Variants in SON observed in about 807,000 individuals in gnomAD.
SON encodes SON DNA and RNA binding protein.
A neutral mutation model predicts 173.3 loss-of-function variants in SON; 4 were observed. The observed-to-expected ratio is 0.02, with a 90% CI of 0.01 to 0.05. SON has a LOEUF of 0.05. Ranked by LOEUF, SON falls within the 10% of genes least tolerant of loss-of-function variation. The pLI is 1.00. For missense variants in SON, 2,626 were observed against 3,055.3 expected, an observed-to-expected ratio of 0.86 and a Z score of 3.31; for synonymous variants, 1,190 against 1,105.9, an observed-to-expected ratio of 1.08 and a Z score of -1.51.
chr21:33,543,528 T>A (rs2085519796), intron 1 of SON: 1 of 170,406 alleles, frequency 5.9e-6, no homozygotes, highest in African/African-American at 7.1e-5. Flanking sequence ...CGCCGCCGCG[T>A]ATCCCCTCCC....
chr21:33,560,608 A>G, intron 6 of SON: 5 of 939,488 alleles, frequency 5.3e-6, no homozygotes, highest in Non-Finnish European at 6.3e-6. Flanking sequence ...GTATCTTTGT[A>G]TGTATCTCTG....
chr21:33,550,693 G>C lies in SON; in HGVS notation c.1462G>C (p.Ala488Pro). ...GCCAGGGCTGCCTTTGGTGACAGCA[G>C]CAGTAGAGTTGCCAGAGCAGCCTGC... ...ELPGLPLVTA[A>P]VELPEQPAVT... Residue 488 changes from alanine (A) to proline (P), a missense_variant, in exon 3 of 12, where the codon GCA becomes CCA. Coordinates refer to ENST00000356577, the MANE Select transcript of SON (RefSeq NM_138927.4). The C allele has an allele frequency of 6.2e-7, 1 of 1,614,110 alleles. No individual in the cohort carries two copies. Among genetic ancestry groups the C allele is most frequent in the Non-Finnish European group, 8.5e-7 (1 of 1,179,982 alleles).
rs779701724 is a variant in SON at position 33,546,206 on chromosome 21, T to C, written c.78-7T>C. On this transcript the variant is annotated splice_region_variant and splice_polypyrimidine_tract_variant and intron_variant, in intron 1 of 11. Coordinates refer to ENST00000356577, the MANE Select transcript of SON (RefSeq NM_138927.4). ...ATTAATGAATTTCGATAACTTTTCA[T>C]GTCAAGTGGAAGGAATGAAGGCCAG... is the stretch of plus-strand genomic sequence containing the variant. The C allele has an allele frequency of 2.5e-6, 4 of 1,588,084 alleles. No homozygotes were observed. Among genetic ancestry groups the C allele is most frequent in the Admixed American group, 1.9e-5 (1 of 51,626 alleles).
At chr21:33,572,470 C>A in intron 8 of SON, 1 of 795,986 alleles carries the variant, frequency 1.3e-6, no homozygotes, top group Non-Finnish European at 1.9e-6. Context: ...AATTATGGTT[C>A]AGTGGGTTGG....
intron 1 of SON, among the ~76,000 whole-genome samples, chr21:33,545,716 A>G (rs1040003560): frequency 1.3e-5 from 2 of 152,244 alleles, no homozygotes; most frequent in African/African-American, 4.8e-5. Flanking sequence ...GTAAGCCTGG[A>G]CAGAGGTTAC....
In SON at chr21:33,549,579, CAAA is replaced by C. The variant is rs753253973; in HGVS notation, c.351_353del (p.Lys123del). The C allele has an allele frequency of 6.3e-7, 1 of 1,589,238 alleles. No individual in the cohort carries two copies. Among genetic ancestry groups the C allele is most frequent in the Non-Finnish European group, 8.5e-7 (1 of 1,172,740 alleles). On this transcript the variant is annotated inframe_deletion, in exon 3 of 12. Coordinates refer to ENST00000356577, the MANE Select transcript of SON (RefSeq NM_138927.4). The stretch of plus-strand genomic sequence containing the variant: ...CAAAGAAGCATAAAAAGCACAAAAA[CAAA>C]AAGAAGAAAAAGAAGAAAGAAAAGG...
intron 4 of SON, 60 bp downstream of exon 4, chr21:33,557,376 G>A (rs2085988797): frequency 6.3e-7 from 1 of 1,592,804 alleles, no homozygotes; most frequent in Non-Finnish European, 8.6e-7. Context: ...TGTTGACTCT[G>A]GAGCGTGCCA....
chr21:33,549,779 C>T lies in SON; in HGVS notation c.548C>T (p.Pro183Leu), dbSNP rs746906157. 1 of 1,614,200 alleles carries T rather than the reference C, an allele frequency of 6.2e-7. No homozygotes were observed. The highest frequency in any genetic ancestry group is 8.5e-7 in the Non-Finnish European group (1 of 1,180,030). Reference protein sequence around the residue: ...AFGPSETNESPAVVLEPPVVS... With the variant: ...AFGPSETNESLAVVLEPPVVS... The stretch of plus-strand genomic sequence containing the variant: ...GGCCCATCTGAGACCAATGAATCCC[C>T]TGCAGTTGTGCTAGAACCTCCTGTA... Residue 183 changes from proline (P) to leucine (L), a missense_variant, in exon 3 of 12, where the codon CCT becomes CTT. Pro to Leu is a moderately conservative substitution (Grantham distance 98). Coordinates refer to ENST00000356577, the MANE Select transcript of SON (RefSeq NM_138927.4).
chr21:33,545,140 C>G (rs114950319), intron 1 of SON, among the ~76,000 whole-genome samples: 7 of 152,098 alleles, frequency 4.6e-5, no homozygotes, highest in Admixed American at 2.0e-4. Flanking sequence ...ACCAGCTTCA[C>G]CTCTTAGTAG....
chr21:33,552,857 C>G lies in SON; in HGVS notation c.3626C>G (p.Ser1209Trp), dbSNP rs756095638. The G allele has an allele frequency of 9.3e-6, 15 of 1,614,130 alleles. No homozygotes were observed. The highest frequency in any genetic ancestry group is 1.3e-5 in the Non-Finnish European group (15 of 1,180,020). Residue 1209 changes from serine (S) to tryptophan (W), a missense_variant, in exon 3 of 12, where the codon TCG (serine) becomes TGG (tryptophan). Physicochemically the swap from Ser to Trp is radical, Grantham distance 177. This residue lies in a region of SON where 1,006 missense variants were observed against 895.6 expected (regional missense o/e 1.12). Transcript: ENST00000356577. The surrounding 1 kb of genome is among the most constrained non-coding windows in gnomAD (Gnocchi z 5.6). ...TCATCACCATCTGAAGAGTCTGTAT[C>G]GCAGCCTGAGCCTCCTGTGAGTCAA... Reference protein sequence around the residue: ...VPSSPSEESVSQPEPPVSQSE... With the variant: ...VPSSPSEESVWQPEPPVSQSE...
rs1181873262 is a variant in SON, at chr21:33,550,974, A to G, written c.1743A>G (p.Ala581=). ...CAGGGCTGCCTTCGGCAACTAGGGCACTGGAGTTGTCGGGGCAGCCTGTGG... is the reference window on the plus strand; with the variant it reads ...CAGGGCTGCCTTCGGCAACTAGGGCGCTGGAGTTGTCGGGGCAGCCTGTGG... ...ELPGLPSATR[A]LELSGQPVAT... is the part of the protein sequence containing the mutation. The change falls in exon 3 of 12, where the codon GCA becomes GCG. Residue 581 remains alanine, a synonymous_variant. Coordinates refer to ENST00000356577, the MANE Select transcript of SON (RefSeq NM_138927.4). 2.5e-6 allele frequency: 4 copies of G among 1,605,206 alleles called. No individual in the cohort carries two copies. Among genetic ancestry groups the G allele is most frequent in the Non-Finnish European group, 3.4e-6 (4 of 1,174,398 alleles).
rs561194735 is a variant in SON at position 33,550,314 on chromosome 21, G to T, written c.1083G>T (p.Leu361Phe). Residue 361 changes from leucine to phenylalanine, a missense_variant, in exon 3 of 12, where the codon TTG becomes TTT. By Grantham distance (22) the Leu-to-Phe change is conservative. This residue lies in a region of SON where 757 missense variants were observed against 730.1 expected (regional missense o/e 1.04). Coordinates refer to ENST00000356577, the MANE Select transcript of SON (RefSeq NM_138927.4). Reference sequence around the variant, plus strand: ...CATCCATGACAAGACCGCAGGAGTTGCCGGAGCTGCCTAAGACCACAGCGT... The same window carrying T: ...CATCCATGACAAGACCGCAGGAGTTTCCGGAGCTGCCTAAGACCACAGCGT... ...ADSSMTRPQELPELPKTTALE... is the reference protein window; with the variant it reads ...ADSSMTRPQEFPELPKTTALE... 6.2e-7 allele frequency: 1 copy of T among 1,614,078 alleles called. No homozygotes were observed.
rs200221300 is a variant in SON, at chr21:33,551,268, A to G, written c.2037A>G (p.Thr679=). ...VSQSLEVPST[T]ALESYNTVAQ... ...AGTCCCTGGAGGTGCCCTCGACGAC[A>G]GCGCTGGAATCCTATAATACGGTAG... Residue 679 remains threonine (T), a synonymous_variant, in exon 3 of 12, where the codon ACA becomes ACG. Transcript: ENST00000356577. 3 of 1,614,130 alleles carry G rather than the reference A, an allele frequency of 1.9e-6. No individual in the cohort carries two copies. The highest frequency in any genetic ancestry group is 1.6e-4 in the Middle Eastern group (1 of 6,062).
chr21:33,543,319 C>G (rs1375713113), intron 1 of SON, 150 bp downstream of exon 1: 2 of 675,700 alleles, frequency 3.0e-6, no homozygotes, highest in South Asian at 1.7e-5. Flanking sequence ...CCGGGCCCCC[C>G]CCAACCGCCC....
At chr21:33,555,833 T>A (rs2085955704) in intron 3 of SON, among the ~76,000 whole-genome samples, 1 of 152,208 alleles carries the variant, frequency 6.6e-6, no homozygotes, top group African/African-American at 2.4e-5. Context: ...ATTATAGGAC[T>A]GTTAAATGAA....
At chr21:33,543,851 TG>T (rs1474335474) in intron 1 of SON, among the ~76,000 whole-genome samples, 1 of 152,232 alleles carries the variant, frequency 6.6e-6, no homozygotes, top group East Asian at 1.9e-4. Flanking sequence ...GGACTTTGTG[TG>T]TAGGTCTATT....
chr21:33,573,487 C>T lies in SON; in HGVS notation c.7033+32C>T, dbSNP rs140985168. 2.4e-3 allele frequency: 3,853 copies of T among 1,588,436 alleles called. 12 individuals are homozygous for T. Among genetic ancestry groups the T allele is most frequent in the Non-Finnish European group, 2.3e-3 (2,665 of 1,163,848 alleles). On this transcript the variant is annotated intron_variant, in intron 9 of 11. Transcript: ENST00000356577. ...AGTTCTTTTTTGGAATGTTTATTAA[C>T]GTCTCCTTTAACATTACCTTTAATA...
At chr21:33,560,568 G>A (rs1480884654) in intron 6 of SON, 1 of 953,536 alleles carries the variant, frequency 1.0e-6, no homozygotes. Flanking sequence ...CAGCAAGACT[G>A]TATATATATG....
At chr21:33,567,650 G>A (rs2086200481) in intron 7 of SON, among the ~76,000 whole-genome samples, 1 of 152,162 alleles carries the variant, frequency 6.6e-6, no homozygotes, top group African/African-American at 2.4e-5. Flanking sequence ...AGGCATGGTC[G>A]CTGATGCCTG....
Sources: gnomAD v4.1 joint callset for allele counts (sites outside exome capture counted in the v4.1 genomes callset) on GRCh38, gnomAD v4.1.1 for gene constraint, gnomAD v4.1.1 regional missense constraint, Gnocchi (gnomAD v3.1) non-coding constraint, MANE v1.5 for transcripts, NCBI Gene and HGNC (gene_info 2026-07-23, HGNC 2026-07-21) for gene names.